The following SCN9A variants were observed in gnomAD, a reference collection of about 807,000 sequenced individuals.
SCN9A encodes sodium channel protein type 9 subunit alpha.
In SCN9A, 131 loss-of-function variants were observed where a neutral mutation model predicts 187.0. The observed-to-expected ratio is 0.70, with a 90% CI of 0.61 to 0.81. SCN9A has a LOEUF of 0.81. Ranked by LOEUF, SCN9A falls within the 30% of genes least tolerant of loss-of-function variation. The probability of loss-of-function intolerance (pLI) is 0.00; values close to 1 mark genes in which losing one functional copy is unlikely to be tolerated. For missense variants in SCN9A, 2,252 were observed against 2,396.6 expected (o/e 0.94, Z 1.26); for synonymous variants, 809 against 808.6 (o/e 1.00, Z -0.01).
Position 166,288,439 on chromosome 2 carries a change from C to T in SCN9A, c.1312G>A (p.Glu438Lys). 1.2e-6 allele frequency: 2 copies of T among 1,606,930 alleles called. No individual in the cohort carries two copies. Among genetic ancestry groups the T allele is most frequent in the Non-Finnish European group, 1.7e-6 (2 of 1,175,030 alleles). ...AATTTTAAATCAAATAACAGTACCTCAGCTTCTTCTTGCTCTTTTTTAAGA... is the reference window on the plus strand; with the variant it reads ...AATTTTAAATCAAATAACAGTACCTTAGCTTCTTCTTGCTCTTTTTTAAGA... ...DRLKKEQEEA[E>K]AIAAAAAEYT... The change falls in exon 10 of 27, where the codon GAG becomes AAG. Residue 438 changes from glutamate to lysine, a missense_variant and splice_region_variant. Physicochemically the swap from Glu to Lys is moderately conservative, Grantham distance 56 (BLOSUM62 1). Around this residue, in one of 7 missense-constraint regions of SCN9A, gnomAD observed 1,013 missense variants for 997.4 expected, o/e 1.02. Transcript: ENST00000642356.
Position 166,327,779 on chromosome 2 carries a change from G to T in SCN9A, c.-50-15973C>A, listed in dbSNP as rs1041233950. ...TATAATATAATCTTATCAATTGACT[G>T]CCCATCTTCACTATGAATTTGTCCA... On this transcript the variant is annotated intron_variant, in intron 1 of 26. Coordinates refer to ENST00000642356, the MANE Select transcript of SCN9A (RefSeq NM_001365536.1). Among the ~76,000 whole-genome samples the T allele has an allele frequency of 2.0e-5, 3 of 152,164 alleles. No individual in the cohort carries two copies. In the East Asian group the frequency reaches 5.8e-4, roughly 29 times the overall value.
At chr2:166,305,769 T>C in intron 5 of SCN9A, 23 bp downstream of exon 5, 1 of 1,613,088 alleles carries the variant, frequency 6.2e-7, no homozygotes, top group Non-Finnish European at 8.5e-7. Flanking sequence ...AATTTGCCGT[T>C]TCAAAAAGCT....
At chr2:166,343,112 T>A (rs1699823927) in intron 1 of SCN9A, among the ~76,000 whole-genome samples, 1 of 152,212 alleles carries the variant, frequency 6.6e-6, no homozygotes, top group Non-Finnish European at 1.5e-5. Flanking sequence ...TCATATGAAA[T>A]AATTACACTA....
At position 166,284,711 on chromosome 2, in the gene SCN9A, A is replaced by T; in HGVS notation, c.1716T>A (p.Asp572Glu). 6.2e-7 allele frequency: 1 copy of T among 1,613,982 alleles called. No homozygotes were observed. The highest frequency in any genetic ancestry group is 8.5e-7 in the Non-Finnish European group (1 of 1,179,870). ...RDIGSETEFA[D>E]DEHSIFGDNE... ...TGTCTCCAAAAATGCTGTGCTCATC[A>T]TCGGCAAATTCAGTCTCAGATCCTA... Residue 572 changes from aspartate (D) to glutamate (E), a missense_variant, in exon 12 of 27, where the codon GAT becomes GAA. Physicochemically the swap from Asp to Glu is conservative, Grantham distance 45. Coordinates refer to ENST00000642356, the MANE Select transcript of SCN9A (RefSeq NM_001365536.1).
At chr2:166,335,711 T>C (rs7608288) in intron 1 of SCN9A, among the ~76,000 whole-genome samples, 2,502 of 152,234 alleles carry the variant, frequency 0.016, 36 homozygotes, top group Non-Finnish European at 0.026. Flanking sequence ...AGTTATTGAC[T>C]GGTTTATTTT....
At chr2:166,239,229 A>C (rs1009561530) in intron 19 of SCN9A, among the ~76,000 whole-genome samples, 8 of 151,712 alleles carry the variant, frequency 5.3e-5, no homozygotes, top group East Asian at 1.9e-4. Context: ...TCTCAAAAAA[A>C]AAAAAAAAAA....
At chr2:166,202,248 T>C (rs10165613) in intron 26 of SCN9A, among the ~76,000 whole-genome samples, 110,876 of 150,824 alleles carry the variant, frequency 0.74, 41,080 homozygotes, top group East Asian at 0.79. Flanking sequence ...GAAAGGACTA[T>C]AAGAGTATAT....
chr2:166,242,390 TC>T, intron 19 of SCN9A, 111 bp downstream of exon 19: 1 of 935,930 alleles, frequency 1.1e-6, no homozygotes, highest in Non-Finnish European at 1.5e-6. Context: ...TTGGCACTAA[TC>T]ATAGGGATTA....
chr2:166,282,345 G>A (rs1383403655), intron 12 of SCN9A, among the ~76,000 whole-genome samples: 1 of 152,160 alleles, frequency 6.6e-6, no homozygotes, highest in Non-Finnish European at 1.5e-5. Context: ...CAGAGCATAT[G>A]ATGATAAATG....
At position 166,280,460 on chromosome 2, in the gene SCN9A, T is replaced by G. The variant is rs201744417; in HGVS notation, c.2240A>C (p.Asp747Ala). The G allele has an allele frequency of 3.6e-5, 57 of 1,587,806 alleles. No individual in the cohort carries two copies. The highest frequency in any genetic ancestry group is 4.8e-5 in the Non-Finnish European group (56 of 1,164,988). Reference sequence around the variant, plus strand: ...AACTATGCAAATGGTAATTGCAAGATCTACAAAAGGATCCATTACAATAAA... The same window carrying G: ...AACTATGCAAATGGTAATTGCAAGAGCTACAAAAGGATCCATTACAATAAA... ...IYFIVMDPFVDLAITICIVLN... is the reference protein window; with the variant it reads ...IYFIVMDPFVALAITICIVLN... The change falls in exon 14 of 27, where the codon GAT becomes GCT. Residue 747 changes from aspartate (D) to alanine (A), a missense_variant. Physicochemically the swap from Asp to Ala is moderately radical, Grantham distance 126 (BLOSUM62 -2). This residue lies in a region of SCN9A where 1,013 missense variants were observed against 997.4 expected (regional missense o/e 1.02). Coordinates refer to ENST00000642356, the MANE Select transcript of SCN9A (RefSeq NM_001365536.1).
intron 10 of SCN9A, 68 bp downstream of exon 10, chr2:166,288,369 C>T (rs368580366): frequency 2.9e-5 from 37 of 1,258,658 alleles, no homozygotes; most frequent in East Asian, 4.7e-5. Context: ...AAGCATATAC[C>T]GCAGAGCCTC....
At chr2:166,370,401 G>C (rs141603539) in intron 1 of SCN9A, among the ~76,000 whole-genome samples, 1 of 151,226 alleles carries the variant, frequency 6.6e-6, no homozygotes, top group Non-Finnish European at 1.5e-5. Context: ...AACATTAGCC[G>C]GGCACGGTGG....
Position 166,198,871 on chromosome 2 carries a change from T to G in SCN9A, c.5768A>C (p.Asp1923Ala). ...SSIYIKDGDR[D>A]DDLLNKKDMA... ...ATCTTTTTTATTGAGTAAATCATCA[T>G]CTCTGTCTCCATCTTTTATGTATAT... The change falls in exon 27 of 27, where the codon GAT becomes GCT. Residue 1923 changes from aspartate to alanine, a missense_variant. Around this residue, in one of 7 missense-constraint regions of SCN9A, gnomAD observed 345 missense variants for 344.6 expected, o/e 1.00. Transcript: ENST00000642356. The G allele has an allele frequency of 6.2e-7, 1 of 1,613,866 alleles. No individual in the cohort carries two copies. Among genetic ancestry groups the G allele is most frequent in the Non-Finnish European group, 8.5e-7 (1 of 1,179,752 alleles).
chr2:166,245,420 T>G (rs1695744120), intron 18 of SCN9A, among the ~76,000 whole-genome samples: 1 of 151,534 alleles, frequency 6.6e-6, no homozygotes, highest in Non-Finnish European at 1.5e-5. Context: ...TTGAAGTAGA[T>G]GAAATGAGAG....
At chr2:166,237,168 A>C (rs561817028) in intron 20 of SCN9A, among the ~76,000 whole-genome samples, 3 of 151,432 alleles carry the variant, frequency 2.0e-5, no homozygotes, top group Non-Finnish European at 4.4e-5. Context: ...AATACAAAAT[A>C]TGTCATATAT....
intron 1 of SCN9A, among the ~76,000 whole-genome samples, chr2:166,370,529 C>G (rs1320103670): frequency 6.8e-6 from 1 of 147,690 alleles, no homozygotes; most frequent in East Asian, 2.0e-4. Context: ...GGCGACAGAG[C>G]GAGACTCCGT....
chr2:166,291,844 G>T (rs532357093), intron 9 of SCN9A, among the ~76,000 whole-genome samples: 1 of 152,154 alleles, frequency 6.6e-6, no homozygotes, highest in Non-Finnish European at 1.5e-5. Context: ...TATAATAAAT[G>T]GTGCTGGGGA....
chr2:166,366,976 T>C (rs1700432248), intron 1 of SCN9A, among the ~76,000 whole-genome samples: 2 of 152,234 alleles, frequency 1.3e-5, no homozygotes. Flanking sequence ...TTAGACAATT[T>C]AACTGACTTA....
In SCN9A at chr2:166,225,404, G is replaced by A. The variant is rs183532610; in HGVS notation, c.4398+1163C>T. 8.7e-4 allele frequency among the ~76,000 whole-genome samples: 132 copies of A among 152,210 alleles called. 1 individual carries two copies. The highest frequency in any genetic ancestry group is 6.8e-3 in the Middle Eastern group (2 of 294). On this transcript the variant is annotated intron_variant, in intron 24 of 26. Transcript: ENST00000642356. ...TAATTTTTCTTATTGTATTTATCAT[G>A]ATTATAGTATTTGGGGATAGAGCAT... is the stretch of plus-strand genomic sequence containing the variant.
Sources: allele counts gnomAD v4.1 joint callset (sites outside exome capture counted in the v4.1 genomes callset), GRCh38; gene constraint gnomAD v4.1.1; regional missense constraint gnomAD v4.1.1; transcripts MANE v1.5; gene names NCBI Gene and HGNC (gene_info 2026-07-23, HGNC 2026-07-21).